TMC1: variants seen among roughly 807,000 people sequenced by gnomAD.
The protein encoded by TMC1 is transmembrane channel-like protein 1.
In TMC1, 84 loss-of-function variants were observed where a neutral mutation model predicts 105.8. The observed-to-expected ratio is 0.79, with a 90% confidence interval of 0.67 to 0.95. The LOEUF (loss-of-function observed/expected upper bound fraction) is 0.95, where lower values mean the gene tolerates loss of function less well. TMC1 is among the 40% of genes least tolerant of loss of function. The pLI, the probability that TMC1 is intolerant of heterozygous loss-of-function variation, is 0.00. For synonymous variants in TMC1, 315 were observed against 311.5 expected (o/e 1.01, Z -0.12); for missense variants, 817 against 914.1 (o/e 0.89, Z 1.37).
intron 12 of TMC1, among the ~76,000 whole-genome samples, chr9:72,764,754 TG>T (rs1198960554): frequency 1.3e-5 from 2 of 152,214 alleles, no homozygotes; most frequent in Non-Finnish European, 2.9e-5. Flanking sequence ...AATTTTTTTT[TG>T]TTCATTCAAT....
chr9:72,716,815 A>G (rs901348226), intron 8 of TMC1, among the ~76,000 whole-genome samples: 3 of 152,124 alleles, frequency 2.0e-5, no homozygotes, highest in African/African-American at 7.2e-5. Flanking sequence ...GGGTATGAAA[A>G]AACAACTCCT....
rs1265945276 is a variant in TMC1 at position 72,791,934 on chromosome 9, G to A, written c.1273G>A (p.Asp425Asn). 3 of 1,613,736 alleles carry A rather than the reference G, an allele frequency of 1.9e-6. No homozygotes were observed. The South Asian group carries it at 3.3e-5, about 18-fold the overall frequency. The change falls in exon 16 of 24, where the codon GAC (aspartate) becomes AAC (asparagine). Residue 425 changes from aspartate to asparagine, a missense_variant. By Grantham distance (23) the Asp-to-Asn change is conservative. Coordinates refer to ENST00000297784, the MANE Select transcript of TMC1 (RefSeq NM_138691.3). ...AGGGATGTTCTGTCCAACATTGTTT[G>A]ACTTATTTGCTGAATTAGAAGACTA... ...LLGMFCPTLF[D>N]LFAELEDYHP...
At position 72,570,230 on chromosome 9, in the gene TMC1, A is replaced by T. The variant is rs906901096; in HGVS notation, c.-427-7672A>T. Among the ~76,000 whole-genome samples, 1,232 of 145,678 alleles carry T rather than the reference A, an allele frequency of 8.5e-3. 14 individuals are homozygous for T. Among genetic ancestry groups the T allele is most frequent in the African/African-American group, 0.024 (973 of 39,730 alleles). Reference sequence around the variant, plus strand: ...TGAAAGGGGGTGGGGCTCAAAGAGTAGTGTGTGTGTGTGTGTGTGTGTGTG... The same window carrying T: ...TGAAAGGGGGTGGGGCTCAAAGAGTTGTGTGTGTGTGTGTGTGTGTGTGTG... On this transcript the variant is annotated intron_variant, in intron 1 of 23. Coordinates refer to ENST00000297784, the MANE Select transcript of TMC1 (RefSeq NM_138691.3).
chr9:72,647,814 G>T (rs1173266024), intron 4 of TMC1, among the ~76,000 whole-genome samples: 1 of 142,260 alleles, frequency 7.0e-6, no homozygotes, highest in East Asian at 2.0e-4. Flanking sequence ...GGTTAGTGCA[G>T]CTATGCTTGC....
rs566947988 is a variant in TMC1 at position 72,652,040 on chromosome 9, A to G, written c.16+3376A>G. Reference sequence around the variant, plus strand: ...TCCACTCCCGAGTTGCTTCACTTACAATAATAGTCTCCAATTCATGCCAAC... The same window carrying G: ...TCCACTCCCGAGTTGCTTCACTTACGATAATAGTCTCCAATTCATGCCAAC... On this transcript the variant is annotated intron_variant, in intron 5 of 23. Transcript: ENST00000297784. Among the ~76,000 whole-genome samples the G allele has an allele frequency of 2.0e-5, 3 of 152,270 alleles. No individual in the cohort carries two copies. In the South Asian group the frequency reaches 6.2e-4, roughly 32 times the overall value.
Position 72,836,754 on chromosome 9 carries a change from T to C in TMC1, c.*781T>C. 1 of 152,102 alleles carries C rather than the reference T, an allele frequency of 6.6e-6. No individual in the cohort carries two copies. Among genetic ancestry groups the C allele is most frequent in the Non-Finnish European group, 1.5e-5 (1 of 68,034 alleles). 9.4% of individuals were successfully genotyped at this position (152,102 alleles called of 1,614,324 possible). A position where few individuals can be genotyped will look rare whatever the true frequency, so the allele number is the denominator to read the frequency against. ...CTGTTGTTCTCTCACAGTCTGCTCA[T>C]TTGTCTTCCAATGATCATGTTATCA... On this transcript the variant is annotated 3_prime_UTR_variant, in exon 24 of 24. Coordinates refer to ENST00000297784, the MANE Select transcript of TMC1 (RefSeq NM_138691.3).
At chr9:72,620,760 C>G (rs923472429) in intron 3 of TMC1, among the ~76,000 whole-genome samples, 1 of 152,054 alleles carries the variant, frequency 6.6e-6, no homozygotes. Context: ...CATGGTACCT[C>G]CAGGTATTTT....
chr9:72,705,957 A>G (rs1826730677), intron 8 of TMC1, among the ~76,000 whole-genome samples: 2 of 152,176 alleles, frequency 1.3e-5, no homozygotes, highest in Non-Finnish European at 2.9e-5. Context: ...TTATCCTCAG[A>G]TTTCATTCAC....
intron 5 of TMC1, among the ~76,000 whole-genome samples, chr9:72,662,427 C>T (rs999163682): frequency 3.3e-5 from 5 of 151,264 alleles, no homozygotes; most frequent in Admixed American, 6.6e-5. Flanking sequence ...GAACTCCTGA[C>T]CTCAGGTAAT....
chr9:72,603,518 AC>A (rs1443727078), intron 2 of TMC1, among the ~76,000 whole-genome samples: 1 of 152,012 alleles, frequency 6.6e-6, no homozygotes, highest in Non-Finnish European at 1.5e-5. Flanking sequence ...AGAGAACCTT[AC>A]CGTGTCAATG....
chr9:72,574,004 C>G (rs1402999222), intron 1 of TMC1, among the ~76,000 whole-genome samples: 1 of 152,186 alleles, frequency 6.6e-6, no homozygotes, highest in Admixed American at 6.5e-5. Flanking sequence ...CATAAGTTCT[C>G]ATAATTTAGC....
intron 8 of TMC1, among the ~76,000 whole-genome samples, chr9:72,719,669 A>G (rs1826985631): frequency 6.6e-6 from 1 of 152,180 alleles, no homozygotes; most frequent in South Asian, 2.1e-4. Context: ...TCCACATTCT[A>G]TTCTATCCAT....
chr9:72,836,475 CTCT>C lies in TMC1; in HGVS notation c.*504_*506del. On this transcript the variant is annotated 3_prime_UTR_variant, in exon 24 of 24. Coordinates refer to ENST00000297784, the MANE Select transcript of TMC1 (RefSeq NM_138691.3). ...CTTTTTGAAACCAATACCTTATTTT[CTCT>C]TTTTTTCTACCTGTCTCCCCAACCA... 6.3e-6 allele frequency: 1 copy of C among 159,782 alleles called. No individual in the cohort carries two copies. Among genetic ancestry groups the C allele is most frequent in the African/African-American group, 2.4e-5 (1 of 41,544 alleles). 9.9% of individuals were successfully genotyped at this position (159,782 alleles called of 1,614,324 possible).
chr9:72,577,409 G>C (rs757583080), intron 1 of TMC1, among the ~76,000 whole-genome samples: 1 of 152,124 alleles, frequency 6.6e-6, no homozygotes, highest in Non-Finnish European at 1.5e-5. Context: ...AAACTCTCAG[G>C]GCACTTACTA....
At chr9:72,788,240 G>A in intron 13 of TMC1, 99 bp from the exon 14 acceptor site, 1 of 1,255,258 alleles carries the variant, frequency 8.0e-7, no homozygotes, top group Non-Finnish European at 1.2e-6. Flanking sequence ...ATGTCTTTTT[G>A]CTATTGCTTC....
intron 5 of TMC1, among the ~76,000 whole-genome samples, chr9:72,672,170 T>C (rs1826134208): frequency 6.6e-6 from 1 of 152,250 alleles, no homozygotes; most frequent in Non-Finnish European, 1.5e-5. Context: ...GATTCAGTTT[T>C]ACACCTTTTT....
intron 13 of TMC1, among the ~76,000 whole-genome samples, chr9:72,782,897 C>G (rs936176908): frequency 6.6e-6 from 1 of 152,024 alleles, no homozygotes; most frequent in African/African-American, 2.4e-5. Context: ...CTATTCCTAT[C>G]AAAATACAAA....
In TMC1 at chr9:72,676,479, A is replaced by G. The variant is rs532684457; in HGVS notation, c.17-12230A>G. 6.2e-4 allele frequency among the ~76,000 whole-genome samples: 95 copies of G among 152,230 alleles called. 1 individual carries two copies. The highest frequency in any genetic ancestry group is 2.2e-3 in the African/African-American group (92 of 41,558). Reference sequence around the variant, plus strand: ...ATTGAGTATATTGCATGTATTTATTATTATATTTAGTTCTCACAGCAACCG... The same window carrying G: ...ATTGAGTATATTGCATGTATTTATTGTTATATTTAGTTCTCACAGCAACCG... On this transcript the variant is annotated intron_variant, in intron 5 of 23. Coordinates refer to ENST00000297784, the MANE Select transcript of TMC1 (RefSeq NM_138691.3).
chr9:72,657,060 C>T (rs1825895328), intron 5 of TMC1, among the ~76,000 whole-genome samples: 1 of 152,206 alleles, frequency 6.6e-6, no homozygotes, highest in South Asian at 2.1e-4. Context: ...CACATCTATG[C>T]ACATAGCGGT....
Sources: allele counts gnomAD v4.1 joint callset (sites outside exome capture counted in the v4.1 genomes callset), GRCh38; gene constraint gnomAD v4.1.1; transcripts MANE v1.5; gene names NCBI Gene and HGNC (gene_info 2026-07-23, HGNC 2026-07-21).